PDE1C: variants seen among roughly 807,000 people sequenced by gnomAD.
The protein encoded by PDE1C is dual specificity calcium/calmodulin-dependent 3',5'-cyclic nucleotide phosphodiesterase 1C.
In PDE1C, 62 loss-of-function variants were observed where a neutral mutation model predicts 93.1. That is an observed-to-expected ratio of 0.67 (90% confidence interval 0.54 to 0.82). The LOEUF is 0.82. Among genes scored for constraint, PDE1C ranks in the 40% least tolerant of loss-of-function variants. PDE1C has a pLI of 0.00. For missense variants in PDE1C, 742 were observed against 884.6 expected (o/e 0.84, Z 2.04); for synonymous variants, 325 against 310.1 (o/e 1.05, Z -0.50).
intron 3 of PDE1C, among the ~76,000 whole-genome samples, chr7:32,147,329 A>AAAGG (rs1271960781): frequency 1.5e-3 from 220 of 144,088 alleles, no homozygotes; most frequent in Non-Finnish European, 1.8e-3. Flanking sequence ...AGAAAGAAAG[A>AAAGG]AAGACGCTGT....
chr7:31,841,500 G>A (rs1444716334), intron 9 of PDE1C, among the ~76,000 whole-genome samples: 1 of 152,016 alleles, frequency 6.6e-6, no homozygotes, highest in Non-Finnish European at 1.5e-5. Context: ...GTTAGTTATA[G>A]GTTTTTCACA....
intron 3 of PDE1C, among the ~76,000 whole-genome samples, chr7:32,104,221 G>A (rs954246985): frequency 6.6e-6 from 1 of 152,088 alleles, no homozygotes; most frequent in African/African-American, 2.4e-5. Flanking sequence ...ACACATCAAG[G>A]TACAACATCA....
the PDE1C span, among the ~76,000 whole-genome samples, chr7:31,627,805 C>G: frequency 6.6e-6 from 1 of 151,826 alleles, no homozygotes. Flanking sequence ...CAAAAACTTC[C>G]TTTTTATTAA....
At chr7:31,843,516 C>G (rs546244365) in intron 9 of PDE1C, among the ~76,000 whole-genome samples, 14 of 151,922 alleles carry the variant, frequency 9.2e-5, no homozygotes, top group East Asian at 1.9e-4. Context: ...CTGCATTCTA[C>G]TTATTCTTAC....
At chr7:32,321,463 C>T (rs1783290311) in intron 1 of PDE1C, among the ~76,000 whole-genome samples, 1 of 152,110 alleles carries the variant, frequency 6.6e-6, no homozygotes, top group Non-Finnish European at 1.5e-5. Flanking sequence ...ATAGATGCCC[C>T]TTACTTTTGG....
intron 1 of PDE1C, among the ~76,000 whole-genome samples, chr7:32,241,164 A>G (rs1808516948): frequency 1.3e-5 from 2 of 152,226 alleles, no homozygotes; most frequent in South Asian, 4.1e-4. Flanking sequence ...AATTAGATAC[A>G]TGAGCCTGGA....
intron 2 of PDE1C, among the ~76,000 whole-genome samples, chr7:31,969,447 A>G (rs1375273669): frequency 1.3e-5 from 2 of 152,176 alleles, no homozygotes; most frequent in Non-Finnish European, 2.9e-5. Context: ...ACGAGATACC[A>G]TCACACACCA....
chr7:31,737,232 G>A, the PDE1C span, among the ~76,000 whole-genome samples: 2 of 151,594 alleles, frequency 1.3e-5, no homozygotes, highest in Non-Finnish European at 2.9e-5. Flanking sequence ...TCTCACCTCA[G>A]CCTCCCAAAG....
At chr7:31,902,868 G>T (rs1016391746) in intron 2 of PDE1C, among the ~76,000 whole-genome samples, 1 of 151,308 alleles carries the variant, frequency 6.6e-6, no homozygotes, top group Non-Finnish European at 1.5e-5. Context: ...AAATGGGTAG[G>T]TACACTTACT....
At chr7:32,219,873 A>G (rs1019297847) in intron 1 of PDE1C, among the ~76,000 whole-genome samples, 4 of 152,138 alleles carry the variant, frequency 2.6e-5, no homozygotes, top group African/African-American at 7.2e-5. Context: ...CATAATTCCT[A>G]TGTGTTGTGG....
chr7:31,748,068 C>T (rs904058294), downstream of PDE1C, among the ~76,000 whole-genome samples: 4 of 152,112 alleles, frequency 2.6e-5, no homozygotes, highest in Non-Finnish European at 4.4e-5. Flanking sequence ...TATTCTTATC[C>T]TCCCTTTCAA....
At chr7:31,803,229 T>C (rs1233100120) in intron 16 of PDE1C, among the ~76,000 whole-genome samples, 1 of 151,822 alleles carries the variant, frequency 6.6e-6, no homozygotes, top group African/African-American at 2.4e-5. Flanking sequence ...ATATCAGATA[T>C]TGTAGTTTTC....
chr7:32,322,916 A>G (rs1158379911), intron 1 of PDE1C, among the ~76,000 whole-genome samples: 2 of 152,090 alleles, frequency 1.3e-5, no homozygotes, highest in Admixed American at 6.6e-5. Flanking sequence ...CCAGCCTCCC[A>G]TCTCTATTTT....
the PDE1C span, among the ~76,000 whole-genome samples, chr7:31,703,922 G>A: frequency 6.6e-6 from 1 of 152,216 alleles, no homozygotes; most frequent in Non-Finnish European, 1.5e-5. Flanking sequence ...CTTGCTCCCA[G>A]CTTAGCCTAC....
At chr7:31,795,735 T>C (rs1345081395) in intron 16 of PDE1C, among the ~76,000 whole-genome samples, 1 of 151,800 alleles carries the variant, frequency 6.6e-6, no homozygotes, top group Non-Finnish European at 1.5e-5. Context: ...TTTCCCTTAG[T>C]ATAACACAAT....
At chr7:31,651,886 T>A in the PDE1C span, 18 of 1,294,490 alleles carry the variant, frequency 1.4e-5, no homozygotes, top group African/African-American at 2.5e-4. Flanking sequence ...CAATGGAAGA[T>A]TGCACCTGGG....
the PDE1C span, among the ~76,000 whole-genome samples, chr7:31,622,795 T>C: frequency 6.6e-6 from 1 of 152,002 alleles, no homozygotes; most frequent in South Asian, 2.1e-4. Context: ...CAAAAAACCC[T>C]TCAAAAAATT....
chr7:31,991,954 G>C (rs1784193394), intron 2 of PDE1C, among the ~76,000 whole-genome samples: 2 of 152,200 alleles, frequency 1.3e-5, no homozygotes, highest in South Asian at 4.1e-4. Flanking sequence ...ATTGTTTTTA[G>C]CTGGTAATAT....
chr7:32,318,916 G>T (rs1373809529), intron 1 of PDE1C, among the ~76,000 whole-genome samples: 1 of 152,210 alleles, frequency 6.6e-6, no homozygotes, highest in Non-Finnish European at 1.5e-5. Context: ...GGGAGGGCTG[G>T]ACTTAAATCT....
Sources: allele counts gnomAD v4.1 joint callset (sites outside exome capture counted in the v4.1 genomes callset), GRCh38; gene constraint gnomAD v4.1.1; transcripts MANE v1.5; gene names NCBI Gene and HGNC (gene_info 2026-07-23, HGNC 2026-07-21).